The following XKR4 variants were observed in gnomAD, a reference collection of about 807,000 sequenced individuals.
XKR4 encodes XK-related protein 4.
In XKR4, 12 loss-of-function variants were observed where a neutral mutation model predicts 53.9. The ratio of observed to expected loss-of-function variants is 0.22; its 90% CI spans 0.14 to 0.36. The LOEUF is 0.36. Among genes scored for constraint, XKR4 ranks in the 10% least tolerant of loss-of-function variants. XKR4 has a pLI of 1.00. For missense variants in XKR4, 799 were observed against 859.5 expected (o/e 0.93, Z 0.88); for synonymous variants, 354 against 362.4 (o/e 0.98, Z 0.26).
intron 1 of XKR4, among the ~76,000 whole-genome samples, chr8:55,122,211 G>A (rs1287440667): frequency 6.6e-6 from 1 of 152,038 alleles, no homozygotes; most frequent in Non-Finnish European, 1.5e-5. Context: ...TAATTTTCTT[G>A]TTTACTTTGT....
rs749352316 is a variant in XKR4 at position 55,527,154 on chromosome 8, C to G, written c.*2927C>G. On this transcript the variant is annotated 3_prime_UTR_variant, in exon 3 of 3. Coordinates refer to ENST00000327381, the MANE Select transcript of XKR4 (RefSeq NM_052898.2). ...ACTTGTTTTCTAGATGCACAGATAA[C>G]AGAGAGTTTAAAGTATTCAGATTTA... 2.8e-4 allele frequency: 43 copies of G among 152,178 alleles called. No individual in the cohort carries two copies. Among genetic ancestry groups the G allele is most frequent in the Non-Finnish European group, 6.2e-4 (42 of 68,028 alleles). The allele number at this position is 152,178 out of a possible 1,614,324, so 9.4% of individuals were successfully genotyped here.
At chr8:55,389,286 T>C (rs2622545) in intron 2 of XKR4, among the ~76,000 whole-genome samples, 103,724 of 152,048 alleles carry the variant, frequency 0.68, 36,324 homozygotes, top group African/African-American at 0.85. Flanking sequence ...GTCTGTGGTA[T>C]TTGGTTACAG....
At chr8:55,440,299 G>GT (rs1316554874) in intron 2 of XKR4, among the ~76,000 whole-genome samples, 14 of 152,112 alleles carry the variant, frequency 9.2e-5, no homozygotes, top group Admixed American at 9.2e-4. Context: ...AATTCAGTGG[G>GT]TGCAAGGATG....
intron 1 of XKR4, among the ~76,000 whole-genome samples, chr8:55,316,941 G>T (rs543465546): frequency 6.6e-6 from 1 of 152,268 alleles, no homozygotes; most frequent in South Asian, 2.1e-4. Flanking sequence ...AAGTATATCG[G>T]ATGTTAAAGG....
Position 55,357,761 on chromosome 8 carries a change from A to T in XKR4, c.890A>T (p.Tyr297Phe), listed in dbSNP as rs777669279. The T allele has an allele frequency of 1.9e-6, 3 of 1,614,228 alleles. No homozygotes were observed. The highest frequency in any genetic ancestry group is 2.5e-6 in the Non-Finnish European group (3 of 1,180,036). The change falls in exon 2 of 3, where the codon TAT becomes TTT. Residue 297 changes from tyrosine to phenylalanine, a missense_variant. Tyr to Phe is a conservative substitution (Grantham distance 22). Around this residue, in one of 3 missense-constraint regions of XKR4, gnomAD observed 476 missense variants for 505.4 expected, o/e 0.94. Coordinates refer to ENST00000327381, the MANE Select transcript of XKR4 (RefSeq NM_052898.2). ...TGGAGGTTTTACTGGAAAATGGTAT[A>T]TGAGTATGCGGATGTGAGTATGCTG... ...DRWRFYWKMV[Y>F]EYADVSMLHL... is the part of the protein sequence containing the mutation.
intron 2 of XKR4, chr8:55,452,442 C>T (rs1805465949): frequency 1.6e-6 from 1 of 623,166 alleles, no homozygotes; most frequent in Non-Finnish European, 2.9e-6. Context: ...CCCCGCACTG[C>T]CCGCCCTCGC....
intron 2 of XKR4, among the ~76,000 whole-genome samples, chr8:55,430,006 G>T (rs1805076810): frequency 6.6e-6 from 1 of 152,098 alleles, no homozygotes; most frequent in Non-Finnish European, 1.5e-5. Flanking sequence ...CACCAAAGAG[G>T]ATATATAGAT....
At position 55,527,585 on chromosome 8, in the gene XKR4, A is replaced by G. The variant is rs975311225; in HGVS notation, c.*3358A>G. The G allele has an allele frequency of 6.6e-6, 1 of 152,222 alleles. No homozygotes were observed. The highest frequency in any genetic ancestry group is 2.4e-5 in the African/African-American group (1 of 41,464). The allele number at this position is 152,222 out of a possible 1,614,324, so 9.4% of individuals were successfully genotyped here. ...AGGAAATAATTTTTCCATGTAAGTC[A>G]AAGTTTAGTCTCCCAAAATGACTAT... is the stretch of plus-strand genomic sequence containing the variant. On this transcript the variant is annotated 3_prime_UTR_variant, in exon 3 of 3. Transcript: ENST00000327381.
chr8:55,151,752 A>G (rs1816843443), intron 1 of XKR4, among the ~76,000 whole-genome samples: 3 of 152,156 alleles, frequency 2.0e-5, no homozygotes, highest in African/African-American at 7.2e-5. Flanking sequence ...GGTCTACAGA[A>G]TTGCATGCTA....
At chr8:55,479,274 C>A (rs542217305) in intron 2 of XKR4, among the ~76,000 whole-genome samples, 1 of 152,132 alleles carries the variant, frequency 6.6e-6, no homozygotes, top group South Asian at 2.1e-4. Context: ...TACATGGAAA[C>A]TGAATAACCT....
Position 55,108,401 on chromosome 8 carries a change from G to A in XKR4, c.806+5107G>A, listed in dbSNP as rs192850709. On this transcript the variant is annotated intron_variant, in intron 1 of 2. Transcript: ENST00000327381. ...GTGTTAAAACACTGTTTTATTCAAA[G>A]GAATGGCAGAAAGTTGAAAGCTTCA... Among the ~76,000 whole-genome samples, 534 of 152,206 alleles carry A rather than the reference G, an allele frequency of 3.5e-3. 3 individuals carry two copies. Among genetic ancestry groups the A allele is most frequent in the African/African-American group, 0.013 (521 of 41,540 alleles).
At chr8:55,158,710 G>A (rs116781509) in intron 1 of XKR4, among the ~76,000 whole-genome samples, 4,736 of 152,070 alleles carry the variant, frequency 0.031, 189 homozygotes, top group East Asian at 0.13. Context: ...TTCAATCTTC[G>A]GCATATGGCT....
At chr8:55,473,646 G>A (rs1394699127) in intron 2 of XKR4, among the ~76,000 whole-genome samples, 1 of 152,046 alleles carries the variant, frequency 6.6e-6, no homozygotes, top group African/African-American at 2.4e-5. Flanking sequence ...GTACATCCTT[G>A]TCTTAGTTCT....
intron 1 of XKR4, among the ~76,000 whole-genome samples, chr8:55,196,244 C>T (rs985198197): frequency 2.8e-5 from 4 of 141,758 alleles, no homozygotes; most frequent in Admixed American, 1.5e-4. Flanking sequence ...TGCAATGGTG[C>T]GATCTTGGCT....
intron 1 of XKR4, among the ~76,000 whole-genome samples, chr8:55,344,816 GA>G (rs1177771698): frequency 2.6e-5 from 4 of 152,158 alleles, no homozygotes; most frequent in African/African-American, 9.7e-5. Flanking sequence ...ATTTAATAGA[GA>G]AAAAACTTCT....
intron 1 of XKR4, among the ~76,000 whole-genome samples, chr8:55,278,588 C>T (rs1235425257): frequency 6.6e-6 from 1 of 152,104 alleles, no homozygotes; most frequent in African/African-American, 2.4e-5. Flanking sequence ...TTGTCACTGA[C>T]ATTTTTAAAG....
intron 1 of XKR4, among the ~76,000 whole-genome samples, chr8:55,268,697 G>T (rs981249991): frequency 1.3e-5 from 2 of 152,060 alleles, no homozygotes; most frequent in African/African-American, 4.8e-5. Flanking sequence ...AATGAACCTA[G>T]CTTTGAGTGC....
At chr8:55,505,016 G>C (rs1806502648) in intron 2 of XKR4, among the ~76,000 whole-genome samples, 1 of 151,394 alleles carries the variant, frequency 6.6e-6, no homozygotes, top group Non-Finnish European at 1.5e-5. Flanking sequence ...TGGTTTTCTT[G>C]ATTTTCTCTA....
chr8:55,420,460 A>C (rs1585564902), intron 2 of XKR4, among the ~76,000 whole-genome samples: 2 of 146,834 alleles, frequency 1.4e-5, no homozygotes, highest in East Asian at 3.9e-4. Context: ...GCAGCCATAA[A>C]AAATGATGAG....
Sources: allele counts gnomAD v4.1 joint callset (sites outside exome capture counted in the v4.1 genomes callset), GRCh38; gene constraint gnomAD v4.1.1; regional missense constraint gnomAD v4.1.1; transcripts MANE v1.5; gene names NCBI Gene and HGNC (gene_info 2026-07-23, HGNC 2026-07-21).